DUSP1: variants seen among roughly 807,000 people sequenced by gnomAD.
DUSP1 encodes dual specificity phosphatase 1.
DUSP1 carries 10 observed loss-of-function variants against 27.4 expected under a neutral mutation model. The observed-to-expected ratio is 0.37, with a 90% CI of 0.23 to 0.62. The LOEUF is 0.62. DUSP1 is among the 20% of genes least tolerant of loss of function. The probability of loss-of-function intolerance (pLI) is 0.68; values close to 1 mark genes in which losing one functional copy is unlikely to be tolerated. For synonymous variants in DUSP1, 262 were observed against 223.6 expected, an observed-to-expected ratio of 1.17 and a Z score of -1.53; for missense variants, 425 against 508.1, an observed-to-expected ratio of 0.84 and a Z score of 1.57.
intron 1 of DUSP1, 98 bp downstream of exon 1, chr5:172,770,488 C>T: frequency 6.7e-7 from 1 of 1,484,666 alleles, no homozygotes; most frequent in Non-Finnish European, 8.8e-7. Flanking sequence ...AGCGCCCACG[C>T]GCTGCAGGTG....
chr5:172,768,173 G>T lies in DUSP1; in HGVS notation c.*589C>A, dbSNP rs1041575221. 4 of 150,800 alleles carry T rather than the reference G, an allele frequency of 2.7e-5. No homozygotes were observed. The highest frequency in any genetic ancestry group is 6.0e-5 in the Non-Finnish European group (4 of 67,092). 9.3% of individuals were successfully genotyped at this position (150,800 alleles called of 1,614,324 possible). ...GTAACAAAATGTCTTCTTAGAAGAA[G>T]AAATATATTATTTCAGGTCATAAAT... On this transcript the variant is annotated 3_prime_UTR_variant, in exon 4 of 4. Transcript: ENST00000239223.
rs2113425490 is a variant in DUSP1, at chr5:172,770,660, C to G, written c.293G>C (p.Arg98Pro). ...ERSAALDGAK[R>P]DGTLALAAGA... ...GGCCGCCAGGGCCAGGGTGCCGTCG[C>G]GCTTGGCGCCGTCCAGGGCGGCGCT... Residue 98 changes from arginine (R) to proline (P), a missense_variant, in exon 1 of 4, where the codon CGC (arginine) becomes CCC (proline). This residue lies in a region of DUSP1 where 282 missense variants were observed against 319.3 expected (regional missense o/e 0.88). Coordinates refer to ENST00000239223, the MANE Select transcript of DUSP1 (RefSeq NM_004417.4). The G allele has an allele frequency of 1.5e-6, 2 of 1,309,478 alleles. No individual in the cohort carries two copies. Among genetic ancestry groups the G allele is most frequent in the South Asian group, 2.2e-5 (1 of 44,818 alleles). The allele number at this position is 1,309,478 out of a possible 1,614,324, so 81.1% of individuals were successfully genotyped here.
rs1292439458 is a variant in DUSP1, at chr5:172,768,638, A to G, written c.*124T>C. On this transcript the variant is annotated 3_prime_UTR_variant, in exon 4 of 4. Transcript: ENST00000239223. ...CATAACTGCTTAGAAACCCAGAGGA[A>G]CTCGGGTGAAGTTAAATAAATAAGG... The G allele has an allele frequency of 3.9e-6, 5 of 1,285,878 alleles. No individual in the cohort carries two copies. The highest frequency in any genetic ancestry group is 4.1e-6 in the Non-Finnish European group (4 of 985,702). 79.7% of individuals were successfully genotyped at this position (1,285,878 alleles called of 1,614,324 possible). A position where few individuals can be genotyped will look rare whatever the true frequency, so the allele number is the denominator to read the frequency against.
In DUSP1 at chr5:172,769,804, A is replaced by G. The variant is rs538300481; in HGVS notation, c.514-10T>C. 6.2e-7 allele frequency: 1 copy of G among 1,612,198 alleles called. No individual in the cohort carries two copies. Among genetic ancestry groups the G allele is most frequent in the Non-Finnish European group, 8.5e-7 (1 of 1,179,260 alleles). ...TTTCCACCGGGCCACCCTGAAATCC[A>G]GAAATATCCAACATTCATCAAGCTT... On this transcript the variant is annotated splice_polypyrimidine_tract_variant and intron_variant, in intron 2 of 3. Transcript: ENST00000239223.
chr5:172,770,687 C>G lies in DUSP1; in HGVS notation c.266G>C (p.Arg89Pro). ...CTTGGCGCCGTCCAGGGCGGCGCTG[C>G]GCTCGTCCAGCAACACCACGGCGTG... ...AYHAVVLLDE[R>P]SAALDGAKRD... Residue 89 changes from arginine (R) to proline (P), a missense_variant, in exon 1 of 4, where the codon CGC becomes CCC. Physicochemically the swap from Arg to Pro is moderately radical, Grantham distance 103. Around this residue, in one of 3 missense-constraint regions of DUSP1, gnomAD observed 282 missense variants for 319.3 expected, o/e 0.88. Coordinates refer to ENST00000239223, the MANE Select transcript of DUSP1 (RefSeq NM_004417.4). 1 of 1,359,006 alleles carries G rather than the reference C, an allele frequency of 7.4e-7. No individual in the cohort carries two copies. The highest frequency in any genetic ancestry group is 3.9e-5 in the Admixed American group (1 of 25,960). 84.2% of individuals were successfully genotyped at this position (1,359,006 alleles called of 1,614,324 possible).
At chr5:172,770,021 T>C (rs924900269) in intron 2 of DUSP1, 140 bp downstream of exon 2, 5 of 1,347,732 alleles carry the variant, frequency 3.7e-6, no homozygotes, top group Non-Finnish European at 3.0e-6. Context: ...TCAGACCACT[T>C]AACTGTGGAA....
Position 172,768,860 on chromosome 5 carries a change from T to C in DUSP1, c.1006A>G (p.Thr336Ala). 1 of 1,606,778 alleles carries C rather than the reference T, an allele frequency of 6.2e-7. No individual in the cohort carries two copies. Among genetic ancestry groups the C allele is most frequent in the Non-Finnish European group, 8.5e-7 (1 of 1,175,598 alleles). The change falls in exon 4 of 4, where the codon ACC becomes GCC. Residue 336 changes from threonine to alanine, a missense_variant. Coordinates refer to ENST00000239223, the MANE Select transcript of DUSP1 (RefSeq NM_004417.4). ...MAVLDRGTST[T>A]TVFNFPVSIP... ...GAGACGGGGAAGTTGAACACGGTGG[T>C]GGTGGAGGTGCCTCGGTCGAGCACA...
rs779630094 is a variant in DUSP1, at chr5:172,769,095, G to T, written c.771C>A (p.His257Gln). The change falls in exon 4 of 4, where the codon CAC becomes CAA. Residue 257 changes from histidine to glutamine, a missense_variant. Transcript: ENST00000239223. Reference sequence around the variant, plus strand: ...CTGACCGGGAAATGCCTGCCTGGCAGTGGACAAACACCCTTCCTCCAGCAT... The same window carrying T: ...CTGACCGGGAAATGCCTGCCTGGCATTGGACAAACACCCTTCCTCCAGCAT... ...IKNAGGRVFV[H>Q]CQAGISRSAT... is the part of the protein sequence containing the mutation. 1 of 1,612,826 alleles carries T rather than the reference G, an allele frequency of 6.2e-7. No homozygotes were observed. The highest frequency in any genetic ancestry group is 8.5e-7 in the Non-Finnish European group (1 of 1,179,986).
intron 2 of DUSP1, 57 bp from the exon 3 acceptor site, chr5:172,769,851 C>A (rs574252357): frequency 2.2e-5 from 34 of 1,553,528 alleles, no homozygotes; most frequent in Non-Finnish European, 2.8e-5. Flanking sequence ...AGGCCAGTGC[C>A]CATACCCACA....
chr5:172,769,980 C>T (rs561767759), intron 2 of DUSP1, among the ~76,000 whole-genome samples, 181 bp downstream of exon 2: 1 of 152,236 alleles, frequency 6.6e-6, no homozygotes, highest in Non-Finnish European at 1.5e-5. Flanking sequence ...AGTTCATTTC[C>T]GTAGAGCCTA....
rs1321912744 is a variant in DUSP1 at position 172,769,908 on chromosome 5, G to A, written c.514-114C>T. 12 of 1,301,824 alleles carry A rather than the reference G, an allele frequency of 9.2e-6. No individual in the cohort carries two copies. The African/African-American group carries it at 1.3e-4, about 14-fold the overall frequency. 80.6% of individuals were successfully genotyped at this position (1,301,824 alleles called of 1,614,324 possible). The stretch of plus-strand genomic sequence containing the variant: ...CAATTTCAGATACCGAGTGAACTCA[G>A]TTCTGTTGCTGGAGGATAAATAAAT... On this transcript the variant is annotated intron_variant, in intron 2 of 3. Coordinates refer to ENST00000239223, the MANE Select transcript of DUSP1 (RefSeq NM_004417.4).
chr5:172,768,926 C>T lies in DUSP1; in HGVS notation c.940G>A (p.Ala314Thr), dbSNP rs1220282879. 1 of 1,614,102 alleles carries T rather than the reference C, an allele frequency of 6.2e-7. No individual in the cohort carries two copies. Among genetic ancestry groups the T allele is most frequent in the Non-Finnish European group, 8.5e-7 (1 of 1,179,984 alleles). Residue 314 changes from alanine to threonine, a missense_variant, in exon 4 of 4, where the codon GCT (alanine) becomes ACT (threonine). By Grantham distance (58) the Ala-to-Thr change is moderately conservative. Transcript: ENST00000239223. ...QLLQFESQVL[A>T]PHCSAEAGSP... ...CCAGCCTCTGCCGAACAGTGCGGAG[C>T]CAGCACCTGGGACTCAAACTGCAGC...
At chr5:172,769,414 G>A (rs560631675) in intron 3 of DUSP1, among the ~76,000 whole-genome samples, 161 bp downstream of exon 3, 39 of 152,286 alleles carry the variant, frequency 2.6e-4, no homozygotes, top group Admixed American at 2.4e-3. Flanking sequence ...GTGGGACATC[G>A]AATCAAATTC....
In DUSP1 at chr5:172,770,666, G is replaced by GC; in HGVS notation, c.286dup (p.Ala96GlyfsTer57). 7.6e-7 allele frequency: 1 copy of GC among 1,314,290 alleles called. No individual in the cohort carries two copies. The highest frequency in any genetic ancestry group is 9.6e-7 in the Non-Finnish European group (1 of 1,036,872). The allele number at this position is 1,314,290 out of a possible 1,614,324, so 81.4% of individuals were successfully genotyped here. On this transcript the variant is annotated frameshift_variant, in exon 1 of 4. Transcript: ENST00000239223. LOFTEE classifies it high-confidence loss of function. ...CAGGGCCAGGGTGCCGTCGCGCTTG[G>GC]CGCCGTCCAGGGCGGCGCTGCGCTC...
At chr5:172,769,172 G>A (rs1211283757) in intron 3 of DUSP1, 40 bp from the exon 4 acceptor site, 26 of 1,570,290 alleles carry the variant, frequency 1.7e-5, no homozygotes, top group East Asian at 2.2e-5. Flanking sequence ...TGAGAGTTCA[G>A]GAGAACCACC....
In DUSP1 at chr5:172,770,179, A is replaced by T. The variant is rs1759862733; in HGVS notation, c.495T>A (p.Ser165Arg). ...DSAESGCSSC[S>R]TPLYDQGGPV... ...TACTAACCTGATCGTAGAGTGGGGT[A>T]CTGCAGGAACTGCACCCAGATTCCG... Residue 165 changes from serine to arginine, a missense_variant, in exon 2 of 4, where the codon AGT (serine) becomes AGA (arginine). Transcript: ENST00000239223. 6.3e-7 allele frequency: 1 copy of T among 1,589,926 alleles called. No homozygotes were observed.
At position 172,770,903 on chromosome 5, in the gene DUSP1, A is replaced by G; in HGVS notation, c.50T>C (p.Leu17Pro). The G allele has an allele frequency of 6.5e-7, 1 of 1,537,614 alleles. No individual in the cohort carries two copies. The highest frequency in any genetic ancestry group is 8.7e-7 in the Non-Finnish European group (1 of 1,148,750). The change falls in exon 1 of 4, where the codon CTG becomes CCG. Residue 17 changes from leucine to proline, a missense_variant. Leu to Pro is a moderately conservative substitution (Grantham distance 98). Around this residue, in one of 3 missense-constraint regions of DUSP1, gnomAD observed 282 missense variants for 319.3 expected, o/e 0.88. Transcript: ENST00000239223. ...TLDAGGLRAL[L>P]GERAAQCLLL... ...CAGGCATTGCGCCGCTCGCTCCCCCAGCAGCGCCCGCAGGCCTCCAGCGTC... is the reference window on the plus strand; with the variant it reads ...CAGGCATTGCGCCGCTCGCTCCCCCGGCAGCGCCCGCAGGCCTCCAGCGTC...
At chr5:172,769,235 A>G (rs1759841900) in intron 3 of DUSP1, 103 bp from the exon 4 acceptor site, 7 of 1,482,428 alleles carry the variant, frequency 4.7e-6, no homozygotes, top group Non-Finnish European at 5.4e-6. Context: ...TTGTCTAGAA[A>G]TGGTCAACAT....
rs1219325819 is a variant in DUSP1, at chr5:172,769,075, C to T, written c.791G>A (p.Arg264Gln). The change falls in exon 4 of 4, where the codon CGG (arginine) becomes CAG (glutamine). Residue 264 changes from arginine (R) to glutamine (Q), a missense_variant. By Grantham distance (43) the Arg-to-Gln change is conservative. This residue lies in a region of DUSP1 where 59 missense variants were observed against 108.4 expected (regional missense o/e 0.54). Coordinates refer to ENST00000239223, the MANE Select transcript of DUSP1 (RefSeq NM_004417.4). Reference protein sequence around the residue: ...VFVHCQAGISRSATICLAYLM... With the variant: ...VFVHCQAGISQSATICLAYLM... ...GTAAGCAAGGCAGATGGTGGCTGAC[C>T]GGGAAATGCCTGCCTGGCAGTGGAC... is the stretch of plus-strand genomic sequence containing the variant. The T allele has an allele frequency of 1.9e-6, 3 of 1,613,632 alleles. No individual in the cohort carries two copies. Among genetic ancestry groups the T allele is most frequent in the East Asian group, 2.2e-5 (1 of 44,898 alleles).
Sources: gnomAD v4.1 joint callset for allele counts (sites outside exome capture counted in the v4.1 genomes callset) on GRCh38, gnomAD v4.1.1 for gene constraint, gnomAD v4.1.1 regional missense constraint, MANE v1.5 for transcripts, NCBI Gene and HGNC (gene_info 2026-07-23, HGNC 2026-07-21) for gene names.